Variants in LPIN2 observed in about 807,000 individuals in gnomAD.
The protein encoded by LPIN2 is lipin 2, also known as phosphatidate phosphatase LPIN2.
In LPIN2, 55 loss-of-function variants were observed where a neutral mutation model predicts 111.4. The observed-to-expected ratio is 0.49, with a 90% CI of 0.40 to 0.62. The LOEUF (loss-of-function observed/expected upper bound fraction) is 0.62. Among genes scored for constraint, LPIN2 ranks in the 20% least tolerant of loss-of-function variants. LPIN2 has a pLI of 0.00. For missense variants in LPIN2, 992 were observed against 1,112.1 expected, an observed-to-expected ratio of 0.89 and a Z score of 1.54; for synonymous variants, 425 against 414.0, an observed-to-expected ratio of 1.03 and a Z score of -0.32.
intron 2 of LPIN2, among the ~76,000 whole-genome samples, chr18:2,958,159 AAC>A (rs1377395470): frequency 0.19 from 1,323 of 6,992 alleles, 383 homozygotes; most frequent in Non-Finnish European, 0.27. Context: ...AAAAAAAAAC[AAC>A]AAAAAAAAAA....
chr18:2,925,772 G>A lies in LPIN2; in HGVS notation c.1794-404C>T, dbSNP rs886284435. On this transcript the variant is annotated intron_variant, in intron 13 of 19. Transcript: ENST00000677752. The surrounding 1 kb of genome is among the most constrained non-coding windows in gnomAD (Gnocchi z 4.1). ...TGTAATCCCAACACTTTGGGAGGCC[G>A]AGTTAGGAGGACACCTTGAGCCCAG... Among the ~76,000 whole-genome samples the A allele has an allele frequency of 6.6e-6, 1 of 152,216 alleles. No homozygotes were observed. The highest frequency in any genetic ancestry group is 1.5e-5 in the Non-Finnish European group (1 of 68,044).
At chr18:2,987,839 G>C (rs903350746) in intron 1 of LPIN2, among the ~76,000 whole-genome samples, 2 of 151,780 alleles carry the variant, frequency 1.3e-5, no homozygotes, top group African/African-American at 4.8e-5. Flanking sequence ...AGGAGTTCAA[G>C]ACCAGCCTGG....
At chr18:2,985,078 T>C (rs1434404703) in intron 1 of LPIN2, 1 of 152,342 alleles carries the variant, frequency 6.6e-6, no homozygotes, top group East Asian at 1.9e-4. Flanking sequence ...TTTTAGCTGA[T>C]GACTCCCAGA....
intron 2 of LPIN2, among the ~76,000 whole-genome samples, chr18:2,956,311 G>GGTGTGGGT (rs1555678041): frequency 2.1e-5 from 3 of 143,960 alleles, no homozygotes; most frequent in Non-Finnish European, 4.5e-5. Flanking sequence ...TAGATGCAGG[G>GGTGTGGGT]GTGTGTGTGT....
chr18:2,941,344 A>C (rs1006277607), intron 4 of LPIN2, among the ~76,000 whole-genome samples: 9 of 152,208 alleles, frequency 5.9e-5, no homozygotes, highest in African/African-American at 9.6e-5. Context: ...GGAGATGTGA[A>C]GATGATACCA....
chr18:2,958,941 TAA>T lies in LPIN2; in HGVS notation c.192+1706_192+1707del, dbSNP rs2077665238. On this transcript the variant is annotated intron_variant, in intron 2 of 19. Coordinates refer to ENST00000677752, the MANE Select transcript of LPIN2 (RefSeq NM_001375808.2). ...AAACAATCTCAGCAAAAAAAAAAAA[TAA>T]TGATGATGATACCTTATCAGCAGTT... 3.3e-5 allele frequency among the ~76,000 whole-genome samples: 5 copies of T among 149,638 alleles called. No individual in the cohort carries two copies. In the South Asian group the frequency reaches 1.1e-3, roughly 32 times the overall value.
At chr18:2,923,896 G>A (rs372021550) in intron 15 of LPIN2, 35 bp from the exon 16 acceptor site, 8 of 1,544,828 alleles carry the variant, frequency 5.2e-6, no homozygotes, top group East Asian at 2.2e-5. Context: ...AAGCTATCAG[G>A]AATCAAACAC....
At position 2,954,612 on chromosome 18, in the gene LPIN2, C is replaced by G; in HGVS notation, c.193-13G>C. 6.5e-7 allele frequency: 1 copy of G among 1,541,900 alleles called. No homozygotes were observed. Among genetic ancestry groups the G allele is most frequent in the South Asian group, 1.1e-5 (1 of 89,628 alleles). On this transcript the variant is annotated splice_polypyrimidine_tract_variant and intron_variant, in intron 2 of 19. Transcript: ENST00000677752. ...TTTCTATATCAATCTATGGGAGAAACAAAGTATGACTTAATGTTCAAGGAG... is the reference window on the plus strand; with the variant it reads ...TTTCTATATCAATCTATGGGAGAAAGAAAGTATGACTTAATGTTCAAGGAG...
At chr18:2,924,361 G>A (rs764841189) in intron 15 of LPIN2, 37 bp downstream of exon 15, 44 of 1,613,394 alleles carry the variant, frequency 2.7e-5, no homozygotes, top group Non-Finnish European at 3.1e-5. Flanking sequence ...TGAGCACGGG[G>A]CTGTTCCTTG....
rs1300866173 is a variant in LPIN2 at position 2,919,562 on chromosome 18, TACA to T, written c.*728_*730del. ...TTAAGACCCACCTTCCCACTTTTAT[TACA>T]GACATCAAATATATACTTGTGAGAC... On this transcript the variant is annotated 3_prime_UTR_variant, in exon 20 of 20. Transcript: ENST00000677752. 6.6e-6 allele frequency: 1 copy of T among 152,536 alleles called. No homozygotes were observed. The highest frequency in any genetic ancestry group is 6.5e-5 in the Admixed American group (1 of 15,320). 9.4% of individuals were successfully genotyped at this position (152,536 alleles called of 1,614,324 possible). A position where few individuals can be genotyped will look rare whatever the true frequency, so the allele number is the denominator to read the frequency against.
chr18:2,926,117 T>G (rs2077126201), intron 13 of LPIN2, among the ~76,000 whole-genome samples: 1 of 152,054 alleles, frequency 6.6e-6, no homozygotes, highest in Admixed American at 6.5e-5. Context: ...ACAGTGAGAC[T>G]CTAGAAAAAA....
intron 2 of LPIN2, among the ~76,000 whole-genome samples, chr18:2,956,311 G>GGGGTGTGTGTGTGTGTGTGTGTGTGT (rs537302837): frequency 1.9e-4 from 27 of 143,958 alleles, no homozygotes; most frequent in Non-Finnish European, 4.1e-4. Flanking sequence ...TAGATGCAGG[G>GGGGTGTGTGTGTGTGTGTGTGTGTGT]GTGTGTGTGT....
chr18:2,934,900 A>C (rs1250157145), intron 7 of LPIN2, among the ~76,000 whole-genome samples: 1 of 152,236 alleles, frequency 6.6e-6, no homozygotes, highest in African/African-American at 2.4e-5. Flanking sequence ...CTAACTACAA[A>C]AGGACAAAAA....
chr18:2,945,791 A>G (rs2077442359), intron 4 of LPIN2: 1 of 1,310,566 alleles, frequency 7.6e-7, no homozygotes, highest in Non-Finnish European at 1.1e-6. Flanking sequence ...TAAGTTCTGG[A>G]AGTGAATTTT....
intron 4 of LPIN2, among the ~76,000 whole-genome samples, chr18:2,941,728 C>T (rs916525080): frequency 1.3e-5 from 2 of 152,210 alleles, no homozygotes; most frequent in African/African-American, 4.8e-5. Context: ...GGTTCAAGAC[C>T]AGCCTGGCCA....
At chr18:2,927,068 C>A (rs1281092747) in intron 12 of LPIN2, among the ~76,000 whole-genome samples, 4 of 152,200 alleles carry the variant, frequency 2.6e-5, no homozygotes, top group African/African-American at 9.7e-5. Context: ...AAACATAATA[C>A]AAGCGACCCA....
At chr18:2,932,586 T>C (rs1271260287) in intron 8 of LPIN2, among the ~76,000 whole-genome samples, 1 of 152,144 alleles carries the variant, frequency 6.6e-6, no homozygotes. Context: ...ATACTGGGAG[T>C]GAGGGGCAAG....
At chr18:2,975,351 T>A (rs934280696) in intron 1 of LPIN2, among the ~76,000 whole-genome samples, 1 of 152,200 alleles carries the variant, frequency 6.6e-6, no homozygotes, top group South Asian at 2.1e-4. Context: ...GCCTTTTTTT[T>A]GAGATGGAGT....
intron 1 of LPIN2, among the ~76,000 whole-genome samples, chr18:2,981,409 A>C (rs1012775848): frequency 2.6e-5 from 4 of 152,230 alleles, no homozygotes; most frequent in Admixed American, 6.5e-5. Context: ...ACGGCAACAT[A>C]AAATGGGACC....
Sources: gnomAD v4.1 joint callset for allele counts (sites outside exome capture counted in the v4.1 genomes callset) on GRCh38, gnomAD v4.1.1 for gene constraint, Gnocchi (gnomAD v3.1) non-coding constraint, MANE v1.5 for transcripts, NCBI Gene and HGNC (gene_info 2026-07-23, HGNC 2026-07-21) for gene names.